Variants in FBXL12 observed in about 807,000 individuals in gnomAD.
FBXL12 encodes the protein F-box/LRR-repeat protein 12.
FBXL12 carries 22 observed loss-of-function variants against 24.9 expected under a neutral mutation model. That is an observed-to-expected ratio of 0.88 (90% CI 0.63 to 1.26). FBXL12 has a LOEUF of 1.26. Among genes scored for constraint, FBXL12 ranks in the 50% most tolerant of loss-of-function variants. The pLI, the probability that FBXL12 is intolerant of heterozygous loss-of-function variation, is 0.00. For synonymous variants in FBXL12, 193 were observed against 193.8 expected, an observed-to-expected ratio of 1.00 and a Z score of 0.03; for missense variants, 384 against 434.1, an observed-to-expected ratio of 0.88 and a Z score of 1.03.
In FBXL12 at chr19:9,812,053, G is replaced by A. The variant is rs1411028590; in HGVS notation, c.160-336C>T. On this transcript the variant is annotated intron_variant, in intron 2 of 2. Transcript: ENST00000247977. ...AGGCTCAAGTGATTCTCCCACTTCA[G>A]CTTCCCAAGTGGCTGGGACTTCTGA... 2.0e-5 allele frequency among the ~76,000 whole-genome samples: 3 copies of A among 151,344 alleles called. No individual in the cohort carries two copies. In the Admixed American group the frequency reaches 2.0e-4, roughly 10 times the overall value.
At chr19:9,814,927 C>T (rs967124388) in intron 2 of FBXL12, among the ~76,000 whole-genome samples, 4 of 141,548 alleles carry the variant, frequency 2.8e-5, no homozygotes, top group Non-Finnish European at 5.9e-5. Context: ...CTATATCATT[C>T]CACCCCGGCC....
chr19:9,814,060 A>C (rs555252845), intron 2 of FBXL12: 26 of 154,662 alleles, frequency 1.7e-4, no homozygotes, highest in African/African-American at 6.2e-4. Context: ...TGTAATACAA[A>C]CTGTATTAGT....
intron 2 of FBXL12, among the ~76,000 whole-genome samples, chr19:9,816,855 G>T (rs909440932): frequency 1.3e-5 from 2 of 152,174 alleles, no homozygotes; most frequent in Non-Finnish European, 2.9e-5. Flanking sequence ...AAGAAAAAGA[G>T]GTTTAATTGA....
At chr19:9,812,485 CGCACCACT>C (rs2045775702) in intron 2 of FBXL12, among the ~76,000 whole-genome samples, 1 of 140,664 alleles carries the variant, frequency 7.1e-6, no homozygotes, top group South Asian at 2.2e-4. Context: ...GAGTCGATAT[CGCACCACT>C]GCACTCCAGC....
chr19:9,818,885 A>C lies in FBXL12; in HGVS notation c.-72T>G, dbSNP rs889507452. On this transcript the variant is annotated 5_prime_UTR_variant, in exon 1 of 3. Transcript: ENST00000247977. ...GGTCCTGGGGGCGCCGAGGCGGCTG[A>C]CAGGGCGGCGGCCGCGACCTTCCCG... The C allele has an allele frequency of 2.7e-5, 38 of 1,422,436 alleles. No homozygotes were observed. The highest frequency in any genetic ancestry group is 3.7e-4 in the Middle Eastern group (2 of 5,406). 88.1% of individuals were successfully genotyped at this position (1,422,436 alleles called of 1,614,324 possible).
chr19:9,813,266 T>C, intron 2 of FBXL12: 1 of 1,231,166 alleles, frequency 8.1e-7, no homozygotes, highest in Non-Finnish European at 1.0e-6. Context: ...CTACTTGGCA[T>C]CATAGGGCCT....
At position 9,810,747 on chromosome 19, in the gene FBXL12, A is replaced by G. The variant is rs77748650; in HGVS notation, c.*149T>C. 6,490 of 581,262 alleles carry G rather than the reference A, an allele frequency of 0.011. 159 individuals carry two copies. The highest frequency in any genetic ancestry group is 0.06 in the Admixed American group (1,977 of 32,892). The allele number at this position is 581,262 out of a possible 1,614,324, so 36.0% of individuals were successfully genotyped here. On this transcript the variant is annotated 3_prime_UTR_variant, in exon 3 of 3. Coordinates refer to ENST00000247977, the MANE Select transcript of FBXL12 (RefSeq NM_017703.3). ...ACACAGCTGGCAAACAGTGATTCCA[A>G]TGGTCTGGAGGTCCCTAGGCCTCTG... is the stretch of plus-strand genomic sequence containing the variant.
At chr19:9,815,712 T>C (rs1352516444) in intron 2 of FBXL12, among the ~76,000 whole-genome samples, 2 of 151,238 alleles carry the variant, frequency 1.3e-5, no homozygotes, top group East Asian at 3.9e-4. Flanking sequence ...TGGAATGCAA[T>C]GGCACGATCT....
chr19:9,816,469 A>C (rs2045886511), intron 2 of FBXL12, among the ~76,000 whole-genome samples: 2 of 152,206 alleles, frequency 1.3e-5, no homozygotes, highest in African/African-American at 4.8e-5. Flanking sequence ...TCAAGTTCAA[A>C]GTTCCACAAA....
chr19:9,811,885 A>G lies in FBXL12; in HGVS notation c.160-168T>C, dbSNP rs886958222. Among the ~76,000 whole-genome samples, 1 of 151,500 alleles carries G rather than the reference A, an allele frequency of 6.6e-6. No individual in the cohort carries two copies. Among genetic ancestry groups the G allele is most frequent in the Non-Finnish European group, 1.5e-5 (1 of 67,956 alleles). ...AGGTTCAACCTCCCCAGGTTCAACC[A>G]GATGGTTTGAGTGCACCATCTTGCC... On this transcript the variant is annotated intron_variant, in intron 2 of 2. Transcript: ENST00000247977. This position sits in a 1 kb window ranked among gnomAD's most constrained non-coding sequence, Gnocchi z 6.0.
At chr19:9,817,573 A>T (rs1449457524) in intron 2 of FBXL12, among the ~76,000 whole-genome samples, 2 of 152,228 alleles carry the variant, frequency 1.3e-5, no homozygotes, top group Non-Finnish European at 2.9e-5. Flanking sequence ...ACTGTGGCTC[A>T]CACCTGTAAT....
Position 9,811,435 on chromosome 19 carries a change from T to G in FBXL12, c.442A>C (p.Thr148Pro). 6.2e-7 allele frequency: 1 copy of G among 1,613,546 alleles called. No homozygotes were observed. Among genetic ancestry groups the G allele is most frequent in the Non-Finnish European group, 8.5e-7 (1 of 1,179,960 alleles). ...ATGCATTCAAGCAGGGGCAGCACGG[T>G]GGGGTCCTGCTGCTTGTGGAGCCAG... ...MAWLHKQQDP[T>P]VLPLLECIVL... Residue 148 changes from threonine (T) to proline (P), a missense_variant, in exon 3 of 3, where the codon ACC becomes CCC. Physicochemically the swap from Thr to Pro is conservative, Grantham distance 38 (BLOSUM62 -1). Transcript: ENST00000247977. This position sits in a 1 kb window ranked among gnomAD's most constrained non-coding sequence, Gnocchi z 6.0.
In FBXL12 at chr19:9,810,566, G is replaced by A. The variant is rs1331544831; in HGVS notation, c.*330C>T. On this transcript the variant is annotated 3_prime_UTR_variant, in exon 3 of 3. Coordinates refer to ENST00000247977, the MANE Select transcript of FBXL12 (RefSeq NM_017703.3). ...CCCCTTCTTCATCCGTCCTGTTCCT[G>A]AAGACGACCATGAAGGTGACTCTTC... is the stretch of plus-strand genomic sequence containing the variant. 4.5e-6 allele frequency: 1 copy of A among 222,536 alleles called. No homozygotes were observed. Among genetic ancestry groups the A allele is most frequent in the Non-Finnish European group, 9.0e-6 (1 of 110,500 alleles). The allele number at this position is 222,536 out of a possible 1,614,324, so 13.8% of individuals were successfully genotyped here.
intron 2 of FBXL12, among the ~76,000 whole-genome samples, chr19:9,815,471 C>T (rs1194770779): frequency 1.3e-5 from 2 of 152,168 alleles, no homozygotes; most frequent in Non-Finnish European, 2.9e-5. Context: ...CCTCTTCTCA[C>T]AGCTCCACTA....
chr19:9,812,768 A>AAAAC (rs1555717867), intron 2 of FBXL12, among the ~76,000 whole-genome samples: 1 of 150,802 alleles, frequency 6.6e-6, no homozygotes, highest in Non-Finnish European at 1.5e-5. Flanking sequence ...TTAAAAAAAA[A>AAAAC]AAAAAAAAAA....
chr19:9,813,467 C>G (rs2045806988), intron 2 of FBXL12: 1 of 307,056 alleles, frequency 3.3e-6, no homozygotes. Context: ...TCCTGAGTAG[C>G]TGGGATTACA....
At chr19:9,817,985 G>A (rs2045917378) in intron 2 of FBXL12, among the ~76,000 whole-genome samples, 1 of 152,012 alleles carries the variant, frequency 6.6e-6, no homozygotes, top group African/African-American at 2.4e-5. Flanking sequence ...AGGCTAAGTC[G>A]GGAGAATCAC....
Position 9,811,541 on chromosome 19 carries a change from G to A in FBXL12, c.336C>T (p.Ala112=), listed in dbSNP as rs79895379. 248 of 1,610,216 alleles carry A rather than the reference G, an allele frequency of 1.5e-4. No homozygotes were observed. In the African/African-American group the frequency reaches 3.0e-3, roughly 19 times the overall value. The part of the protein sequence containing the change: ...PNLKRLCLHV[A]DLSMVPITSL... ...TGGTGATGGGCACCATGCTCAGGTC[G>A]GCCACGTGCAGGCAGAGGCGCTTCA... Residue 112 remains alanine (A), a synonymous_variant, in exon 3 of 3, where the codon GCC becomes GCT. Coordinates refer to ENST00000247977, the MANE Select transcript of FBXL12 (RefSeq NM_017703.3). The surrounding 1 kb of genome is among the most constrained non-coding windows in gnomAD (Gnocchi z 6.0).
Position 9,818,795 on chromosome 19 carries a change from G to C in FBXL12, c.19C>G (p.Leu7Val). 1 of 1,553,944 alleles carries C rather than the reference G, an allele frequency of 6.4e-7. No homozygotes were observed. Among genetic ancestry groups the C allele is most frequent in the Non-Finnish European group, 8.7e-7 (1 of 1,147,100 alleles). Residue 7 changes from leucine to valine, a missense_variant, in exon 1 of 3, where the codon CTG (leucine) becomes GTG (valine). Coordinates refer to ENST00000247977, the MANE Select transcript of FBXL12 (RefSeq NM_017703.3). ...ATCTCGAGCAGGACCGAGTCCGGCA[G>C]TTCGACCAAAGTCGCCATGATCCCG... MATLVE[L>V]PDSVLLEIFS...
Sources: gnomAD v4.1 joint callset for allele counts (sites outside exome capture counted in the v4.1 genomes callset) on GRCh38, gnomAD v4.1.1 for gene constraint, Gnocchi (gnomAD v3.1) non-coding constraint, MANE v1.5 for transcripts, NCBI Gene and HGNC (gene_info 2026-07-23, HGNC 2026-07-21) for gene names.